Variants in COLEC10 observed in about 807,000 individuals in gnomAD.
COLEC10 encodes collectin subfamily member 10.
COLEC10 carries 22 observed loss-of-function variants against 28.4 expected under a neutral mutation model. The observed-to-expected ratio is 0.78, with a 90% CI of 0.55 to 1.11. COLEC10 has a LOEUF of 1.11. Ranked by LOEUF, COLEC10 falls within the 50% of genes least tolerant of loss-of-function variation. The pLI, the probability that COLEC10 is intolerant of heterozygous loss-of-function variation, is 0.00. For missense variants in COLEC10, 361 were observed against 344.1 expected, an observed-to-expected ratio of 1.05 and a Z score of -0.39; for synonymous variants, 125 against 116.1, an observed-to-expected ratio of 1.08 and a Z score of -0.49.
intron 2 of COLEC10, among the ~76,000 whole-genome samples, chr8:119,024,898 T>G (rs1405678290): frequency 6.6e-6 from 1 of 152,144 alleles, no homozygotes; most frequent in Non-Finnish European, 1.5e-5. Context: ...TAGGATTTAT[T>G]GATTTAGTTC....
chr8:118,984,096 G>A, the COLEC10 span, among the ~76,000 whole-genome samples: 1 of 151,924 alleles, frequency 6.6e-6, no homozygotes, highest in Admixed American at 6.6e-5. Context: ...GTCCATCAGT[G>A]GTAGACTGGA....
At chr8:118,999,212 G>A (rs1234051459) in intron 1 of COLEC10, among the ~76,000 whole-genome samples, 1 of 151,996 alleles carries the variant, frequency 6.6e-6, no homozygotes, top group African/African-American at 2.4e-5. Context: ...AGTGACATTT[G>A]GAGCCATTAA....
chr8:119,060,509 G>A (rs975037472), intron 2 of COLEC10, among the ~76,000 whole-genome samples: 1 of 152,106 alleles, frequency 6.6e-6, no homozygotes, highest in Non-Finnish European at 1.5e-5. Context: ...ACAAGACTGA[G>A]ATTTTAACCC....
At chr8:118,987,857 G>A in the COLEC10 span, among the ~76,000 whole-genome samples, 2 of 152,138 alleles carry the variant, frequency 1.3e-5, no homozygotes, top group African/African-American at 4.8e-5. Context: ...CAAAGAAACT[G>A]ATAAAACTTT....
In COLEC10 at chr8:119,101,541, A is replaced by G. The variant is rs115206701; in HGVS notation, c.293-807A>G. On this transcript the variant is annotated intron_variant, in intron 3 of 5. Coordinates refer to ENST00000332843, the MANE Select transcript of COLEC10 (RefSeq NM_006438.5). ...TTTGTGGATACCTGTGAGTGAGAAA[A>G]TGGTTACATATAAAGAAGTACAGAG... Among the ~76,000 whole-genome samples the G allele has an allele frequency of 2.2e-3, 337 of 152,288 alleles. 4 individuals are homozygous for G. Among genetic ancestry groups the G allele is most frequent in the African/African-American group, 6.8e-3 (282 of 41,582 alleles).
chr8:118,956,117 C>T, the COLEC10 span, among the ~76,000 whole-genome samples: 8 of 152,204 alleles, frequency 5.3e-5, no homozygotes, highest in Non-Finnish European at 1.0e-4. Context: ...TGCAACCTTA[C>T]GTGGCAGAAA....
At chr8:118,961,230 A>G in the COLEC10 span, among the ~76,000 whole-genome samples, 1 of 152,232 alleles carries the variant, frequency 6.6e-6, no homozygotes, top group Non-Finnish European at 1.5e-5. Context: ...ACACAGTTAG[A>G]AAGAGATAGA....
intron 2 of COLEC10, among the ~76,000 whole-genome samples, chr8:119,041,616 T>C (rs1814495569): frequency 6.6e-6 from 1 of 152,156 alleles, no homozygotes; most frequent in Non-Finnish European, 1.5e-5. Context: ...TAAATACTTA[T>C]GCCATAATAC....
chr8:119,035,393 C>A (rs1814372332), intron 2 of COLEC10, among the ~76,000 whole-genome samples: 3 of 152,204 alleles, frequency 2.0e-5, no homozygotes, highest in Admixed American at 1.3e-4. Context: ...TATTAATATA[C>A]TTTGCCCAAA....
upstream of COLEC10, among the ~76,000 whole-genome samples, chr8:118,994,692 C>T (rs964035968): frequency 6.6e-6 from 1 of 152,124 alleles, no homozygotes; most frequent in Non-Finnish European, 1.5e-5. Context: ...TTGCTGCCTC[C>T]TCAACACACA....
At chr8:119,061,960 T>A (rs547478232) in intron 2 of COLEC10, among the ~76,000 whole-genome samples, 1 of 152,092 alleles carries the variant, frequency 6.6e-6, no homozygotes, top group South Asian at 2.1e-4. Flanking sequence ...AACTGACAAA[T>A]CTCAAATAAT....
the COLEC10 span, among the ~76,000 whole-genome samples, chr8:118,964,194 C>T: frequency 6.6e-6 from 1 of 152,170 alleles, no homozygotes; most frequent in Non-Finnish European, 1.5e-5. Context: ...ACCTAATAGC[C>T]AATCTTGACC....
rs1815104962 is a variant in COLEC10, at chr8:119,070,741, A to T, written c.148+3312A>T. On this transcript the variant is annotated intron_variant, in intron 1 of 5. Transcript: ENST00000332843. ...TACAGCTATTATGTATTCATAAAAA[A>T]TTTAAAAGAAAAATAAATGGACACA... 2.6e-5 allele frequency among the ~76,000 whole-genome samples: 4 copies of T among 152,164 alleles called. 1 individual carries two copies. In the South Asian group the frequency reaches 8.3e-4, roughly 32 times the overall value.
chr8:119,052,074 T>G (rs1814685141), intron 2 of COLEC10, among the ~76,000 whole-genome samples: 1 of 152,144 alleles, frequency 6.6e-6, no homozygotes, highest in Admixed American at 6.5e-5. Flanking sequence ...GAGTACCTGG[T>G]GATAGAAAAT....
At chr8:119,030,926 G>T (rs1337808706) in intron 2 of COLEC10, among the ~76,000 whole-genome samples, 1 of 152,130 alleles carries the variant, frequency 6.6e-6, no homozygotes, top group African/African-American at 2.4e-5. Context: ...CTGATGGAGG[G>T]ATAGACATTA....
intron 1 of COLEC10, among the ~76,000 whole-genome samples, chr8:119,085,213 C>T (rs1467369453): frequency 2.6e-5 from 4 of 152,058 alleles, no homozygotes; most frequent in Non-Finnish European, 4.4e-5. Context: ...TCAGGATAGC[C>T]AGGAGTAGGC....
chr8:119,007,977 A>G (rs946718340), intron 1 of COLEC10, among the ~76,000 whole-genome samples: 3 of 150,844 alleles, frequency 2.0e-5, no homozygotes, highest in African/African-American at 7.4e-5. Flanking sequence ...TTATTACTAT[A>G]TTTATTATAA....
intron 1 of COLEC10, among the ~76,000 whole-genome samples, chr8:119,086,531 T>G (rs1377339247): frequency 6.6e-6 from 1 of 152,062 alleles, no homozygotes. Context: ...GAAGCCTGCT[T>G]GGCCACCAGG....
At chr8:118,993,239 A>C (rs1474817738), upstream of COLEC10, among the ~76,000 whole-genome samples, 1 of 152,210 alleles carries the variant, frequency 6.6e-6, no homozygotes, top group Non-Finnish European at 1.5e-5. Context: ...TACAAGAGCA[A>C]GATGTCAGCA....
Sources: gnomAD v4.1 joint callset for allele counts (sites outside exome capture counted in the v4.1 genomes callset) on GRCh38, gnomAD v4.1.1 for gene constraint, MANE v1.5 for transcripts, NCBI Gene and HGNC (gene_info 2026-07-23, HGNC 2026-07-21) for gene names.